The following DSCAML1 variants were observed in gnomAD, a reference collection of about 807,000 sequenced individuals.
DSCAML1 encodes the protein DS cell adhesion molecule like 1, also known as cell adhesion molecule DSCAML1.
Under a neutral mutation model 200.5 loss-of-function variants are expected in DSCAML1, and 38 were observed. The observed-to-expected ratio is 0.19, with a 90% CI of 0.15 to 0.25. The LOEUF (loss-of-function observed/expected upper bound fraction) is 0.25, where lower values mean the gene tolerates loss of function less well. Ranked by LOEUF, DSCAML1 falls within the 10% of genes least tolerant of loss-of-function variation. The pLI is 1.00. For synonymous variants in DSCAML1, 1,215 were observed against 1,165.0 expected (o/e 1.04, Z -0.87); for missense variants, 2,223 against 2,858.8 (o/e 0.78, Z 5.07).
chr11:117,816,232 C>T (rs1053705593), intron 1 of DSCAML1, among the ~76,000 whole-genome samples: 12 of 152,356 alleles, frequency 7.9e-5, no homozygotes, highest in South Asian at 6.2e-4. Context: ...CTAGGACACT[C>T]GGGCCCTTCC....
intron 3 of DSCAML1, among the ~76,000 whole-genome samples, chr11:117,608,288 T>A (rs1360929582): frequency 2.0e-5 from 3 of 152,188 alleles, no homozygotes; most frequent in African/African-American, 7.2e-5. Context: ...TGCAAATAAA[T>A]GTAACTTTTA....
intron 3 of DSCAML1, among the ~76,000 whole-genome samples, chr11:117,551,303 A>G (rs1276941634): frequency 6.6e-6 from 1 of 152,232 alleles, no homozygotes; most frequent in African/African-American, 2.4e-5. Context: ...AACTCCAGCC[A>G]GGCACCTGCT....
At chr11:117,738,313 C>T (rs1345191152) in intron 3 of DSCAML1, among the ~76,000 whole-genome samples, 1 of 152,050 alleles carries the variant, frequency 6.6e-6, no homozygotes, top group African/African-American at 2.4e-5. Context: ...CAAAATGAAA[C>T]CTATTTTGCA....
intron 3 of DSCAML1, among the ~76,000 whole-genome samples, chr11:117,653,678 A>G (rs2052677942): frequency 6.6e-6 from 1 of 152,176 alleles, no homozygotes; most frequent in African/African-American, 2.4e-5. Flanking sequence ...TGGAATCACC[A>G]TACGACCCAG....
chr11:117,453,909 AT>A (rs1180219831), intron 19 of DSCAML1, among the ~76,000 whole-genome samples: 4 of 151,848 alleles, frequency 2.6e-5, no homozygotes, highest in Middle Eastern at 3.4e-3. Flanking sequence ...CACCTGGCTA[AT>A]TTTTTGTATT....
chr11:117,512,761 TCACACA>T (rs71037482), intron 8 of DSCAML1, among the ~76,000 whole-genome samples: 3,197 of 113,110 alleles, frequency 0.028, 68 homozygotes, highest in African/African-American at 0.087. Context: ...TCCTCTAGGA[TCACACA>T]CACACACACA....
rs2047944433 is a variant in DSCAML1 at position 117,437,469 on chromosome 11, T to C, written c.4433-60A>G. 1.3e-6 allele frequency: 2 copies of C among 1,551,240 alleles called. No individual in the cohort carries two copies. Among genetic ancestry groups the C allele is most frequent in the Non-Finnish European group, 1.7e-6 (2 of 1,144,600 alleles). ...GATTTGGTGGGAGGCAGGACTGGACTGGGCTGGGCTGGAAAGGATTTCCCT... is the reference window on the plus strand; with the variant it reads ...GATTTGGTGGGAGGCAGGACTGGACCGGGCTGGGCTGGAAAGGATTTCCCT... On this transcript the variant is annotated intron_variant, in intron 25 of 32. Coordinates refer to ENST00000651296, the MANE Select transcript of DSCAML1 (RefSeq NM_020693.4). The surrounding 1 kb of genome is among the most constrained non-coding windows in gnomAD (Gnocchi z 5.3).
In DSCAML1 at chr11:117,780,856, C is replaced by T; in HGVS notation, c.47-46G>A. On this transcript the variant is annotated intron_variant, in intron 1 of 32. Transcript: ENST00000651296. This position sits in a 1 kb window ranked among gnomAD's most constrained non-coding sequence, Gnocchi z 4.8. Reference sequence around the variant, plus strand: ...GAGACTTGGTTAGCATGGGCTCTAACAATACCCATATAAGCCACGGAGGCT... The same window carrying T: ...GAGACTTGGTTAGCATGGGCTCTAATAATACCCATATAAGCCACGGAGGCT... 3 of 1,376,762 alleles carry T rather than the reference C, an allele frequency of 2.2e-6. No individual in the cohort carries two copies. The highest frequency in any genetic ancestry group is 2.8e-6 in the Non-Finnish European group (3 of 1,064,812). The allele number at this position is 1,376,762 out of a possible 1,614,324, so 85.3% of individuals were successfully genotyped here.
intron 11 of DSCAML1, among the ~76,000 whole-genome samples, chr11:117,486,446 G>T (rs184949747): frequency 9.2e-5 from 14 of 152,224 alleles, no homozygotes; most frequent in African/African-American, 3.1e-4. Context: ...GAAAGTGGCA[G>T]ATATGAAAGT....
At chr11:117,693,128 T>G (rs568126274) in intron 3 of DSCAML1, among the ~76,000 whole-genome samples, 7 of 152,172 alleles carry the variant, frequency 4.6e-5, no homozygotes, top group Admixed American at 6.5e-5. Flanking sequence ...TCAAGAAAGA[T>G]CTTCAGCATC....
Position 117,518,078 on chromosome 11 carries a change from C to CA in DSCAML1, c.1510+387dup, listed in dbSNP as rs1222130409. On this transcript the variant is annotated intron_variant, in intron 7 of 32. Coordinates refer to ENST00000651296, the MANE Select transcript of DSCAML1 (RefSeq NM_020693.4). The surrounding 1 kb of genome is among the most constrained non-coding windows in gnomAD (Gnocchi z 6.3). ...GACCAAGCCTGGTCCCCAGCCCCTG[C>CA]ACTGTCTTGCCCTTACAAGGCCCTG... 6.6e-6 allele frequency among the ~76,000 whole-genome samples: 1 copy of CA among 152,238 alleles called. No individual in the cohort carries two copies. The highest frequency in any genetic ancestry group is 6.5e-5 in the Admixed American group (1 of 15,286).
chr11:117,476,302 C>T (rs2048790643), intron 14 of DSCAML1, among the ~76,000 whole-genome samples: 1 of 152,162 alleles, frequency 6.6e-6, no homozygotes, highest in African/African-American at 2.4e-5. Flanking sequence ...GGAGAAAAGC[C>T]ACATCTGGAG....
upstream of DSCAML1, among the ~76,000 whole-genome samples, chr11:117,798,488 A>G (rs1485130047): frequency 6.6e-6 from 1 of 152,214 alleles, no homozygotes; most frequent in East Asian, 1.9e-4. Flanking sequence ...CATTTCAACC[A>G]TTTGAAGTGT....
chr11:117,636,149 G>A (rs575207820), intron 3 of DSCAML1, among the ~76,000 whole-genome samples: 26 of 152,268 alleles, frequency 1.7e-4, no homozygotes, highest in Admixed American at 1.2e-3. Flanking sequence ...GGGAAGGTTC[G>A]TAAGATAAAT....
chr11:117,682,408 T>G (rs1017085104), intron 3 of DSCAML1, among the ~76,000 whole-genome samples: 2 of 152,158 alleles, frequency 1.3e-5, no homozygotes, highest in Non-Finnish European at 2.9e-5. Context: ...CCTCTGTGCT[T>G]CTTCCCCTAC....
At chr11:117,737,050 G>A (rs2054329747) in intron 3 of DSCAML1, among the ~76,000 whole-genome samples, 1 of 152,112 alleles carries the variant, frequency 6.6e-6, no homozygotes, top group Admixed American at 6.5e-5. Flanking sequence ...ACACAGTGTG[G>A]GTATCAGGCT....
At chr11:117,793,753 A>T (rs995146488) in intron 1 of DSCAML1, among the ~76,000 whole-genome samples, 1 of 152,174 alleles carries the variant, frequency 6.6e-6, no homozygotes, top group Admixed American at 6.5e-5. Context: ...GTTCAACTTA[A>T]GCGCCGCCTT....
intron 11 of DSCAML1, among the ~76,000 whole-genome samples, chr11:117,483,945 C>G (rs1012177015): frequency 6.6e-6 from 1 of 151,962 alleles, no homozygotes; most frequent in Non-Finnish European, 1.5e-5. Flanking sequence ...CTCACCCTAT[C>G]CTGGTCACTG....
At chr11:117,653,055 A>C (rs2052664439) in intron 3 of DSCAML1, among the ~76,000 whole-genome samples, 2 of 152,178 alleles carry the variant, frequency 1.3e-5, no homozygotes, top group African/African-American at 2.4e-5. Flanking sequence ...GTGACAGAAG[A>C]AGCTGTGAAT....
Sources: gnomAD v4.1 joint callset for allele counts (sites outside exome capture counted in the v4.1 genomes callset) on GRCh38, gnomAD v4.1.1 for gene constraint, Gnocchi (gnomAD v3.1) non-coding constraint, MANE v1.5 for transcripts, NCBI Gene and HGNC (gene_info 2026-07-23, HGNC 2026-07-21) for gene names.